Variants in APCDD1 observed in about 807,000 individuals in gnomAD.
APCDD1 encodes APC down-regulated 1.
A neutral mutation model predicts 38.1 loss-of-function variants in APCDD1; 15 were observed. That is an observed-to-expected ratio of 0.39 (90% CI 0.26 to 0.61). APCDD1 has a LOEUF of 0.61. APCDD1 is among the 20% of genes least tolerant of loss of function. The pLI is 0.49. For synonymous variants in APCDD1, 261 were observed against 279.7 expected (o/e 0.93, Z 0.67); for missense variants, 647 against 696.2 (o/e 0.93, Z 0.79).
At chr18:10,462,360 C>T (rs936895041) in intron 1 of APCDD1, among the ~76,000 whole-genome samples, 3 of 152,138 alleles carry the variant, frequency 2.0e-5, no homozygotes, top group Admixed American at 2.0e-4. Flanking sequence ...TTTTCAGATG[C>T]AGATGTACTG....
Position 10,454,722 on chromosome 18 carries a change from C to T in APCDD1, c.-260C>T. On this transcript the variant is annotated 5_prime_UTR_variant, in exon 1 of 5. Transcript: ENST00000355285. ...GGCCGGGGCGGGACGCGGGGCCGGG[C>T]GCGGAGAAGTCGGGGCGGGCGGCAG... 7 of 982,468 alleles carry T rather than the reference C, an allele frequency of 7.1e-6. No homozygotes were observed. The highest frequency in any genetic ancestry group is 1.8e-5 in the African/African-American group (1 of 56,852). The allele number at this position is 982,468 out of a possible 1,614,324, so 60.9% of individuals were successfully genotyped here.
In APCDD1 at chr18:10,468,580, A is replaced by G. The variant is rs372105770; in HGVS notation, c.170A>G (p.Lys57Arg). 10 of 1,614,036 alleles carry G rather than the reference A, an allele frequency of 6.2e-6. No homozygotes were observed. In the African/African-American group the frequency reaches 6.7e-5, roughly 11 times the overall value. ...FKESQCHHML[K>R]HLHNGARITV... is the part of the protein sequence containing the mutation. ...GAGTCACAGTGCCATCACATGCTCA[A>G]ACATCTCCACAATGGTGCAAGGATC... Residue 57 changes from lysine to arginine, a missense_variant, in exon 2 of 5, where the codon AAA becomes AGA. Transcript: ENST00000355285.
chr18:10,455,294 G>A (rs972935796), intron 1 of APCDD1, among the ~76,000 whole-genome samples: 1 of 152,200 alleles, frequency 6.6e-6, no homozygotes, highest in Admixed American at 6.5e-5. Context: ...TTGGAAGGGT[G>A]GAAGCTCTCC....
chr18:10,454,734 G>C lies in APCDD1; in HGVS notation c.-248G>C, dbSNP rs1167276378. 5.1e-6 allele frequency: 5 copies of C among 981,718 alleles called. No homozygotes were observed. The highest frequency in any genetic ancestry group is 6.0e-6 in the Non-Finnish European group (5 of 828,700). The allele number at this position is 981,718 out of a possible 1,614,324, so 60.8% of individuals were successfully genotyped here. A position where few individuals can be genotyped will look rare whatever the true frequency, so the allele number is the denominator to read the frequency against. ...ACGCGGGGCCGGGCGCGGAGAAGTC[G>C]GGGCGGGCGGCAGAGAGGCCGGGAC... is the stretch of plus-strand genomic sequence containing the variant. On this transcript the variant is annotated 5_prime_UTR_variant, in exon 1 of 5. Transcript: ENST00000355285.
intron 1 of APCDD1, among the ~76,000 whole-genome samples, chr18:10,465,268 C>G (rs530846098): frequency 6.6e-6 from 1 of 152,292 alleles, no homozygotes; most frequent in East Asian, 1.9e-4. Flanking sequence ...CTGTGTGAAC[C>G]AGAACACAGA....
intron 3 of APCDD1, among the ~76,000 whole-genome samples, chr18:10,484,507 A>G (rs1427115094): frequency 2.0e-5 from 3 of 152,158 alleles, no homozygotes; most frequent in East Asian, 1.9e-4. Flanking sequence ...CATTCATGTT[A>G]TTATACAACC....
In APCDD1 at chr18:10,488,331, G is replaced by T. The variant is rs2031297638; in HGVS notation, c.*293G>T. 8.9e-6 allele frequency: 3 copies of T among 336,586 alleles called. 1 individual carries two copies. In the South Asian group the frequency reaches 2.0e-4, roughly 23 times the overall value. 20.8% of individuals were successfully genotyped at this position (336,586 alleles called of 1,614,324 possible). A position where few individuals can be genotyped will look rare whatever the true frequency, so the allele number is the denominator to read the frequency against. On this transcript the variant is annotated 3_prime_UTR_variant, in exon 5 of 5. Coordinates refer to ENST00000355285, the MANE Select transcript of APCDD1 (RefSeq NM_153000.5). Reference sequence around the variant, plus strand: ...AGCGTGTTTGGTAGCAGGGATGAAAGCTAGGGCCTCTTATTTTTTTCTCTT... The same window carrying T: ...AGCGTGTTTGGTAGCAGGGATGAAATCTAGGGCCTCTTATTTTTTTCTCTT...
chr18:10,477,073 TGGGTGGGTG>T (rs1013865237), intron 3 of APCDD1: 3 of 152,238 alleles, frequency 2.0e-5, no homozygotes, highest in African/African-American at 7.2e-5. Context: ...GTGTGGCTCC[TGGGTGGGTG>T]GGCGGCTGCG....
intron 1 of APCDD1, among the ~76,000 whole-genome samples, chr18:10,465,250 C>T (rs1215734564): frequency 6.6e-6 from 1 of 152,172 alleles, no homozygotes; most frequent in Non-Finnish European, 1.5e-5. Flanking sequence ...GGGTGACATT[C>T]CCTTTGCCTG....
In APCDD1 at chr18:10,487,752, C is replaced by A. The variant is rs114154601; in HGVS notation, c.1259C>A (p.Thr420Lys). Reference sequence around the variant, plus strand: ...GCCCTGGGCATCAAACTACCTCACACGGAGTACGAGATCTTCAAAATGGAA... The same window carrying A: ...GCCCTGGGCATCAAACTACCTCACAAGGAGTACGAGATCTTCAAAATGGAA... Reference protein sequence around the residue: ...CVALGIKLPHTEYEIFKMEQD... With the variant: ...CVALGIKLPHKEYEIFKMEQD... Residue 420 changes from threonine to lysine, a missense_variant, in exon 5 of 5, where the codon ACG (threonine) becomes AAG (lysine). Thr to Lys is a moderately conservative substitution (Grantham distance 78). Transcript: ENST00000355285. 1.9e-6 allele frequency: 3 copies of A among 1,614,066 alleles called. No homozygotes were observed. The highest frequency in any genetic ancestry group is 8.5e-7 in the Non-Finnish European group (1 of 1,180,054).
intron 1 of APCDD1, among the ~76,000 whole-genome samples, chr18:10,468,237 A>G (rs2143528017): frequency 6.6e-6 from 1 of 152,334 alleles, no homozygotes. Context: ...CAAGCAAGTT[A>G]TGTTGGTGAT....
rs2030318827 is a variant in APCDD1, at chr18:10,454,716, G to C, written c.-266G>C. 1 of 983,066 alleles carries C rather than the reference G, an allele frequency of 1.0e-6. No homozygotes were observed. The highest frequency in any genetic ancestry group is 1.8e-5 in the African/African-American group (1 of 56,844). The allele number at this position is 983,066 out of a possible 1,614,324, so 60.9% of individuals were successfully genotyped here. On this transcript the variant is annotated 5_prime_UTR_variant, in exon 1 of 5. Transcript: ENST00000355285. Reference sequence around the variant, plus strand: ...CGCGGCGGCCGGGGCGGGACGCGGGGCCGGGCGCGGAGAAGTCGGGGCGGG... The same window carrying C: ...CGCGGCGGCCGGGGCGGGACGCGGGCCCGGGCGCGGAGAAGTCGGGGCGGG...
intron 1 of APCDD1, among the ~76,000 whole-genome samples, chr18:10,461,949 T>G (rs1029468454): frequency 3.3e-5 from 5 of 152,244 alleles, no homozygotes; most frequent in Non-Finnish European, 7.3e-5. Context: ...CTCCGTAGTC[T>G]ACACAGTGTT....
chr18:10,465,071 CAG>C (rs2030673357), intron 1 of APCDD1, among the ~76,000 whole-genome samples: 1 of 152,210 alleles, frequency 6.6e-6, no homozygotes, highest in African/African-American at 2.4e-5. Flanking sequence ...GACGAGTAGA[CAG>C]AGGCTTGGAG....
intron 1 of APCDD1, among the ~76,000 whole-genome samples, chr18:10,461,159 T>G (rs950172163): frequency 6.6e-6 from 1 of 152,200 alleles, no homozygotes; most frequent in Admixed American, 6.5e-5. Context: ...AGTAAATCAC[T>G]AGTGCACACA....
rs1344145558 is a variant in APCDD1, at chr18:10,475,455, C to A, written c.774+3394C>A. ...AATAGCGTGAATAATATGATACCAT[C>A]TGCATAAAACTAATAATGAAAGGAG... On this transcript the variant is annotated intron_variant, in intron 3 of 4. Transcript: ENST00000355285. The surrounding 1 kb of genome is among the most constrained non-coding windows in gnomAD (Gnocchi z 4.0). Among the ~76,000 whole-genome samples the A allele has an allele frequency of 6.6e-6, 1 of 152,124 alleles. No homozygotes were observed. The highest frequency in any genetic ancestry group is 2.4e-5 in the African/African-American group (1 of 41,414).
Position 10,487,810 on chromosome 18 carries a change from C to A in APCDD1, c.1317C>A (p.Asn439Lys). The A allele has an allele frequency of 1.2e-6, 2 of 1,614,080 alleles. No homozygotes were observed. Among genetic ancestry groups the A allele is most frequent in the Non-Finnish European group, 8.5e-7 (1 of 1,180,030 alleles). ...QDARGRYLLFNGQRPSDGSSP... is the reference protein window; with the variant it reads ...QDARGRYLLFKGQRPSDGSSP... ...CCCGGGGGCGCTATCTGCTGTTCAA[C>A]GGTCAGAGGCCCAGCGACGGGTCCA... is the stretch of plus-strand genomic sequence containing the variant. The change falls in exon 5 of 5, where the codon AAC becomes AAA. Residue 439 changes from asparagine (N) to lysine (K), a missense_variant. Coordinates refer to ENST00000355285, the MANE Select transcript of APCDD1 (RefSeq NM_153000.5).
At chr18:10,468,708 CCTT>C in intron 2 of APCDD1, 56 bp downstream of exon 2, 2 of 1,567,178 alleles carry the variant, frequency 1.3e-6, no homozygotes, top group Non-Finnish European at 1.8e-6. Context: ...TATGGAAGAC[CCTT>C]CTTATGGGTT....
chr18:10,463,242 A>C (rs1032398286), intron 1 of APCDD1, among the ~76,000 whole-genome samples: 25 of 152,098 alleles, frequency 1.6e-4, no homozygotes, highest in Non-Finnish European at 3.5e-4. Flanking sequence ...GGAAGAATTC[A>C]GACCCTGCCC....
Sources: gnomAD v4.1 joint callset for allele counts (sites outside exome capture counted in the v4.1 genomes callset) on GRCh38, gnomAD v4.1.1 for gene constraint, Gnocchi (gnomAD v3.1) non-coding constraint, MANE v1.5 for transcripts, NCBI Gene and HGNC (gene_info 2026-07-23, HGNC 2026-07-21) for gene names.